The following IL12RB2 variants were observed in gnomAD, a reference collection of about 807,000 sequenced individuals.
IL12RB2 encodes interleukin-12 receptor subunit beta-2.
IL12RB2 carries 82 observed loss-of-function variants against 89.4 expected under a neutral mutation model. The observed-to-expected ratio is 0.92, with a 90% CI of 0.77 to 1.10. The LOEUF is 1.10. Ranked by LOEUF, IL12RB2 falls within the 50% of genes least tolerant of loss-of-function variation. The pLI is 0.00. For missense variants in IL12RB2, 963 were observed against 1,031.9 expected, an observed-to-expected ratio of 0.93 and a Z score of 0.92; for synonymous variants, 368 against 370.1, an observed-to-expected ratio of 0.99 and a Z score of 0.07.
intron 4 of IL12RB2, 36 bp from the exon 5 acceptor site, chr1:67,326,699 G>T: frequency 6.2e-7 from 1 of 1,607,170 alleles, no homozygotes; most frequent in Non-Finnish European, 8.5e-7. Context: ...AATATCACCT[G>T]TGTGATATAT....
chr1:67,327,859 C>T (rs1025632725), intron 5 of IL12RB2, among the ~76,000 whole-genome samples: 10 of 152,204 alleles, frequency 6.6e-5, no homozygotes, highest in Non-Finnish European at 1.3e-4. Flanking sequence ...TTCTGTGCCA[C>T]AGATGTCAAG....
chr1:67,367,638 G>A (rs577945173), intron 10 of IL12RB2, among the ~76,000 whole-genome samples, 187 bp from the exon 11 acceptor site: 5 of 152,288 alleles, frequency 3.3e-5, no homozygotes, highest in African/African-American at 9.6e-5. Context: ...TGAACAAGCT[G>A]ATGTTGTTAG....
At chr1:67,319,915 G>A (rs1436380485) in intron 2 of IL12RB2, among the ~76,000 whole-genome samples, 1 of 152,140 alleles carries the variant, frequency 6.6e-6, no homozygotes, top group Non-Finnish European at 1.5e-5. Flanking sequence ...CACCATGTGA[G>A]GTCGCAGCAA....
At chr1:67,341,452 G>T (rs1569904001) in intron 9 of IL12RB2, among the ~76,000 whole-genome samples, 1 of 119,044 alleles carries the variant, frequency 8.4e-6, no homozygotes, top group East Asian at 2.3e-4. Context: ...GGATGGAAGA[G>T]AGGGAGGGAA....
In IL12RB2 at chr1:67,337,902, A is replaced by T. The variant is rs1296297409; in HGVS notation, c.959-722A>T. Reference sequence around the variant, plus strand: ...TTGAGAATTCTTTCTGCATTCTAGTAAAAAAAAAAAAAAAAGAAAAGAAAA... The same window carrying T: ...TTGAGAATTCTTTCTGCATTCTAGTTAAAAAAAAAAAAAAAGAAAAGAAAA... On this transcript the variant is annotated intron_variant, in intron 8 of 16. Transcript: ENST00000674203. Among the ~76,000 whole-genome samples, 4 of 18,982 alleles carry T rather than the reference A, an allele frequency of 2.1e-4. No homozygotes were observed. In the South Asian group the frequency reaches 8.8e-3, roughly 42 times the overall value. 12.5% of individuals were successfully genotyped at this position (18,982 alleles called of 152,430 possible).
chr1:67,376,613 G>A (rs751628506), intron 13 of IL12RB2, among the ~76,000 whole-genome samples: 2 of 152,102 alleles, frequency 1.3e-5, no homozygotes, highest in Non-Finnish European at 2.9e-5. Flanking sequence ...CTTCTATTCA[G>A]CCTATTTTGC....
At chr1:67,351,525 G>A (rs1660841242) in intron 10 of IL12RB2, among the ~76,000 whole-genome samples, 1 of 152,166 alleles carries the variant, frequency 6.6e-6, no homozygotes, top group African/African-American at 2.4e-5. Flanking sequence ...AGTCGGGGAT[G>A]GTGGTGTGTA....
At chr1:67,334,624 AC>A (rs34751282) in intron 8 of IL12RB2, among the ~76,000 whole-genome samples, 6 of 47,276 alleles carry the variant, frequency 1.3e-4, no homozygotes, top group South Asian at 1.2e-3. Context: ...GACTACAGGC[AC>A]CCCGCCACCA....
chr1:67,330,132 G>T (rs936538419), intron 7 of IL12RB2, among the ~76,000 whole-genome samples: 6 of 151,904 alleles, frequency 3.9e-5, no homozygotes, highest in African/African-American at 1.5e-4. Context: ...ATAATATTAG[G>T]CATTGCATGT....
chr1:67,374,478 T>C (rs1663728381), intron 13 of IL12RB2, among the ~76,000 whole-genome samples: 1 of 142,448 alleles, frequency 7.0e-6, no homozygotes, highest in African/African-American at 2.5e-5. Context: ...TGTTTATTCT[T>C]TTTTTTTTTT....
intron 11 of IL12RB2, among the ~76,000 whole-genome samples, chr1:67,370,231 C>A (rs1297181052): frequency 1.3e-5 from 2 of 151,972 alleles, no homozygotes; most frequent in African/African-American, 4.8e-5. Flanking sequence ...TGATTTTCAC[C>A]AGCCTTTTCC....
chr1:67,380,503 A>G (rs1210815760), intron 14 of IL12RB2, among the ~76,000 whole-genome samples: 1 of 152,238 alleles, frequency 6.6e-6, no homozygotes, highest in Non-Finnish European at 1.5e-5. Context: ...CTTACTAAGT[A>G]TCTGTACACA....
At chr1:67,375,907 C>T (rs61021672) in intron 13 of IL12RB2, among the ~76,000 whole-genome samples, 72 of 147,698 alleles carry the variant, frequency 4.9e-4, no homozygotes, top group African/African-American at 7.0e-4. Context: ...AGTGCAATGG[C>T]GCGATCTCGG....
chr1:67,386,875 TATATATATATATATATA>T (rs1665232037), intron 15 of IL12RB2, among the ~76,000 whole-genome samples: 9 of 19,972 alleles, frequency 4.5e-4, no homozygotes, highest in African/African-American at 8.7e-4. Flanking sequence ...ATGTATTTTA[TATATATATATATATATA>T]TATATATATA....
At chr1:67,383,041 C>A (rs1002577298) in intron 14 of IL12RB2, among the ~76,000 whole-genome samples, 5 of 152,100 alleles carry the variant, frequency 3.3e-5, no homozygotes, top group Admixed American at 1.3e-4. Flanking sequence ...TAAGGACATA[C>A]CTGAGACTGG....
At chr1:67,329,409 CT>C (rs1657758945) in intron 6 of IL12RB2, among the ~76,000 whole-genome samples, 177 bp from the exon 7 acceptor site, 1 of 152,190 alleles carries the variant, frequency 6.6e-6, no homozygotes, top group Admixed American at 6.5e-5. Context: ...GTGAATCCAG[CT>C]TTTAAAAAAG....
chr1:67,391,790 C>T (rs1032538539), intron 16 of IL12RB2, among the ~76,000 whole-genome samples: 1 of 152,006 alleles, frequency 6.6e-6, no homozygotes, highest in Admixed American at 6.6e-5. Flanking sequence ...GCGCCCGCCG[C>T]CATGCCCGGC....
chr1:67,347,554 T>G (rs1331802567), intron 9 of IL12RB2, among the ~76,000 whole-genome samples: 1 of 152,216 alleles, frequency 6.6e-6, no homozygotes, highest in African/African-American at 2.4e-5. Context: ...GCAGCAGAAC[T>G]CTTACAGTAG....
chr1:67,393,141 C>A (rs1011132073), intron 16 of IL12RB2, among the ~76,000 whole-genome samples: 4 of 152,128 alleles, frequency 2.6e-5, no homozygotes, highest in African/African-American at 9.7e-5. Context: ...AACAGAAACA[C>A]AATAGTGTGT....
Sources: gnomAD v4.1 joint callset for allele counts (sites outside exome capture counted in the v4.1 genomes callset) on GRCh38, gnomAD v4.1.1 for gene constraint, MANE v1.5 for transcripts, NCBI Gene and HGNC (gene_info 2026-07-23, HGNC 2026-07-21) for gene names.